Variants in ADAMTS3 observed in about 807,000 individuals in gnomAD.
ADAMTS3 encodes A disintegrin and metalloproteinase with thrombospondin motifs 3.
ADAMTS3 carries 73 observed loss-of-function variants against 129.0 expected under a neutral mutation model. That is an observed-to-expected ratio of 0.57 (90% CI 0.47 to 0.69). The LOEUF (loss-of-function observed/expected upper bound fraction) is 0.69, where lower values mean the gene tolerates loss of function less well. ADAMTS3 is among the 30% of genes least tolerant of loss of function. The probability of loss-of-function intolerance (pLI) is 0.00; values close to 1 mark genes in which losing one functional copy is unlikely to be tolerated. For synonymous variants in ADAMTS3, 477 were observed against 510.8 expected (o/e 0.93, Z 0.89); for missense variants, 1,457 against 1,514.5 (o/e 0.96, Z 0.63).
At chr4:72,393,726 A>C (rs1007579320) in intron 4 of ADAMTS3, among the ~76,000 whole-genome samples, 1 of 152,220 alleles carries the variant, frequency 6.6e-6, no homozygotes, top group Non-Finnish European at 1.5e-5. Context: ...ATATCATTTT[A>C]TTAATAAGAT....
rs115973878 is a variant in ADAMTS3, at chr4:72,451,582, T to G, written c.505-36611A>C. ...AATTGAACATTTTTCAGATCCAAAA[T>G]TTGTAACTACAGACACAGAAATAGA... On this transcript the variant is annotated intron_variant, in intron 3 of 21. Coordinates refer to ENST00000286657, the MANE Select transcript of ADAMTS3 (RefSeq NM_014243.3). Among the ~76,000 whole-genome samples the G allele has an allele frequency of 2.9e-3, 447 of 151,848 alleles. 2 individuals are homozygous for G. The highest frequency in any genetic ancestry group is 4.6e-3 in the Non-Finnish European group (314 of 67,802).
At chr4:72,519,258 C>T (rs1019363402) in intron 3 of ADAMTS3, among the ~76,000 whole-genome samples, 4 of 152,106 alleles carry the variant, frequency 2.6e-5, no homozygotes, top group Non-Finnish European at 5.9e-5. Flanking sequence ...TTTCTCTCTG[C>T]CTGCCCTTAA....
intron 3 of ADAMTS3, among the ~76,000 whole-genome samples, chr4:72,470,723 T>A (rs1250166660): frequency 6.6e-6 from 1 of 152,094 alleles, no homozygotes; most frequent in Admixed American, 6.6e-5. Context: ...GTTAAACTGC[T>A]GGGCTTCCAC....
At chr4:72,428,935 C>T (rs1722633755) in intron 3 of ADAMTS3, among the ~76,000 whole-genome samples, 1 of 152,036 alleles carries the variant, frequency 6.6e-6, no homozygotes, top group African/African-American at 2.4e-5. Context: ...GACTCATATA[C>T]TTAACTCCTT....
intron 2 of ADAMTS3, among the ~76,000 whole-genome samples, chr4:72,563,517 T>A (rs1354435584): frequency 6.6e-6 from 1 of 152,048 alleles, no homozygotes; most frequent in Non-Finnish European, 1.5e-5. Flanking sequence ...AAACAAAAAA[T>A]TAGTTGGCAT....
intron 3 of ADAMTS3, chr4:72,441,722 G>C (rs1470666498): frequency 3.3e-5 from 5 of 151,780 alleles, no homozygotes; most frequent in African/African-American, 1.2e-4. Context: ...GCTAAACAGA[G>C]CTGGTGTTGG....
chr4:72,347,154 T>C (rs1022092531), intron 4 of ADAMTS3, among the ~76,000 whole-genome samples: 1 of 152,004 alleles, frequency 6.6e-6, no homozygotes, highest in South Asian at 2.1e-4. Context: ...AGACTACTAA[T>C]AGAGAATAGA....
At chr4:72,365,163 T>G (rs552097214) in intron 4 of ADAMTS3, among the ~76,000 whole-genome samples, 2 of 152,150 alleles carry the variant, frequency 1.3e-5, no homozygotes, top group Non-Finnish European at 2.9e-5. Flanking sequence ...TGAACAAAAT[T>G]GTTTCAGCAA....
chr4:72,413,091 C>T lies in ADAMTS3; in HGVS notation c.661+1724G>A, dbSNP rs1423986502. ...TAACTTTATTACTTCAAGAAAAAAA[C>T]TCTTCTTCTTATAAATATCAGACTA... is the stretch of plus-strand genomic sequence containing the variant. On this transcript the variant is annotated intron_variant, in intron 4 of 21. Transcript: ENST00000286657. Among the ~76,000 whole-genome samples the T allele has an allele frequency of 2.6e-5, 4 of 151,942 alleles. No homozygotes were observed. In the East Asian group the frequency reaches 5.8e-4, roughly 22 times the overall value.
chr4:72,536,159 T>C (rs564507614), intron 3 of ADAMTS3, among the ~76,000 whole-genome samples: 13 of 152,292 alleles, frequency 8.5e-5, no homozygotes, highest in African/African-American at 3.1e-4. Flanking sequence ...TATTTTTGTC[T>C]CAACTCCGAA....
chr4:72,402,414 T>C (rs1047805621), intron 4 of ADAMTS3, among the ~76,000 whole-genome samples: 1 of 152,156 alleles, frequency 6.6e-6, no homozygotes, highest in African/African-American at 2.4e-5. Flanking sequence ...ATAACATACC[T>C]TGCATCAAGA....
intron 4 of ADAMTS3, among the ~76,000 whole-genome samples, chr4:72,356,810 A>G (rs1720593505): frequency 6.6e-6 from 1 of 151,868 alleles, no homozygotes; most frequent in Non-Finnish European, 1.5e-5. Flanking sequence ...AATATATGCT[A>G]GACCTCTACA....
At chr4:72,567,193 G>A (rs1722038674) in intron 2 of ADAMTS3, among the ~76,000 whole-genome samples, 181 bp downstream of exon 2, 1 of 152,096 alleles carries the variant, frequency 6.6e-6, no homozygotes, top group African/African-American at 2.4e-5. Flanking sequence ...CTATAATTTA[G>A]CCCCAGGAAA....
At chr4:72,431,428 A>G (rs544042779) in intron 3 of ADAMTS3, among the ~76,000 whole-genome samples, 1 of 151,976 alleles carries the variant, frequency 6.6e-6, no homozygotes, top group Non-Finnish European at 1.5e-5. Context: ...CTGCTCTAAA[A>G]TCAAAACTTT....
chr4:72,450,089 A>G (rs554220782), intron 3 of ADAMTS3, among the ~76,000 whole-genome samples: 1 of 151,710 alleles, frequency 6.6e-6, no homozygotes, highest in South Asian at 2.1e-4. Flanking sequence ...AGTGCCAAAC[A>G]TAACTTCTTA....
chr4:72,561,758 G>A (rs552831997), intron 2 of ADAMTS3, among the ~76,000 whole-genome samples: 1 of 152,126 alleles, frequency 6.6e-6, no homozygotes, highest in East Asian at 1.9e-4. Context: ...GACTATTTTT[G>A]TTTTATCAAT....
intron 2 of ADAMTS3, among the ~76,000 whole-genome samples, chr4:72,555,288 C>G (rs574312773): frequency 1.8e-4 from 27 of 150,682 alleles, no homozygotes; most frequent in Middle Eastern, 6.8e-3. Flanking sequence ...AATATCATCT[C>G]TCATATTAGC....
intron 3 of ADAMTS3, among the ~76,000 whole-genome samples, chr4:72,477,139 T>C (rs1719258807): frequency 6.6e-6 from 1 of 151,910 alleles, no homozygotes; most frequent in Non-Finnish European, 1.5e-5. Context: ...AGATGTCTAC[T>C]CTCAGCACTT....
In ADAMTS3 at chr4:72,438,937, G is replaced by T. The variant is rs546885556; in HGVS notation, c.505-23966C>A. 2.0e-5 allele frequency among the ~76,000 whole-genome samples: 3 copies of T among 151,648 alleles called. No individual in the cohort carries two copies. In the South Asian group the frequency reaches 6.2e-4, roughly 31 times the overall value. ...TACTGTGCCTTCACAATCACAAGGTGACCTAACTCACATATATCCACTATT... is the reference window on the plus strand; with the variant it reads ...TACTGTGCCTTCACAATCACAAGGTTACCTAACTCACATATATCCACTATT... On this transcript the variant is annotated intron_variant, in intron 3 of 21. Coordinates refer to ENST00000286657, the MANE Select transcript of ADAMTS3 (RefSeq NM_014243.3).
Sources: gnomAD v4.1 joint callset for allele counts (sites outside exome capture counted in the v4.1 genomes callset) on GRCh38, gnomAD v4.1.1 for gene constraint, MANE v1.5 for transcripts, NCBI Gene and HGNC (gene_info 2026-07-23, HGNC 2026-07-21) for gene names.